GAB2: variants seen among roughly 807,000 people sequenced by gnomAD.
GAB2 encodes the protein GRB2-associated-binding protein 2.
In GAB2, 26 loss-of-function variants were observed where a neutral mutation model predicts 65.5. The observed-to-expected ratio is 0.40, with a 90% CI of 0.29 to 0.55. The LOEUF is 0.55. Among genes scored for constraint, GAB2 ranks in the 20% least tolerant of loss-of-function variants. The pLI is 0.53. For synonymous variants in GAB2, 321 were observed against 329.6 expected, an observed-to-expected ratio of 0.97 and a Z score of 0.28; for missense variants, 884 against 875.8, an observed-to-expected ratio of 1.01 and a Z score of -0.12.
chr11:78,290,850 G>T (rs1866645998), intron 1 of GAB2, among the ~76,000 whole-genome samples: 1 of 152,144 alleles, frequency 6.6e-6, no homozygotes, highest in South Asian at 2.1e-4. Flanking sequence ...GTGGTCCAAA[G>T]CAGGTCTCTT....
intron 2 of GAB2, among the ~76,000 whole-genome samples, chr11:78,266,879 A>T (rs1489454728): frequency 6.6e-6 from 1 of 152,256 alleles, no homozygotes; most frequent in East Asian, 1.9e-4. Context: ...TGGTAAGGGC[A>T]CTGAATACGT....
In GAB2 at chr11:78,280,732, T is replaced by C. The variant is rs779534347; in HGVS notation, c.245A>G (p.Asp82Gly). The C allele has an allele frequency of 5.6e-6, 9 of 1,614,026 alleles. No individual in the cohort carries two copies. The highest frequency in any genetic ancestry group is 7.6e-6 in the Non-Finnish European group (9 of 1,180,016). Reference sequence around the variant, plus strand: ...GGTCTTGATGTCAAACACAAAACTATCCTGCAGCTCCTTCTTGTTAAAGGT... The same window carrying C: ...GGTCTTGATGTCAAACACAAAACTACCCTGCAGCTCCTTCTTGTTAAAGGT... Reference protein sequence around the residue: ...GLTFNKKELQDSFVFDIKTSE... With the variant: ...GLTFNKKELQGSFVFDIKTSE... Residue 82 changes from aspartate to glycine, a missense_variant, in exon 2 of 10, where the codon GAT becomes GGT. Transcript: ENST00000361507.
At chr11:78,327,247 A>G (rs1431274370) in intron 1 of GAB2, among the ~76,000 whole-genome samples, 1 of 152,176 alleles carries the variant, frequency 6.6e-6, no homozygotes, top group East Asian at 1.9e-4. Flanking sequence ...AGAATGATAA[A>G]CAATCATGTT....
At chr11:78,288,564 A>G (rs1866558269) in intron 1 of GAB2, among the ~76,000 whole-genome samples, 1 of 152,228 alleles carries the variant, frequency 6.6e-6, no homozygotes, top group South Asian at 2.1e-4. Context: ...GGCATATAAA[A>G]TAAAAATACA....
chr11:78,229,435 G>A (rs1446034291), intron 3 of GAB2, among the ~76,000 whole-genome samples: 1 of 152,150 alleles, frequency 6.6e-6, no homozygotes, highest in Non-Finnish European at 1.5e-5. Flanking sequence ...GGGGTTGCAA[G>A]AGCATCACAG....
chr11:78,326,855 C>T (rs1855831586), intron 1 of GAB2, among the ~76,000 whole-genome samples: 1 of 152,028 alleles, frequency 6.6e-6, no homozygotes, highest in Non-Finnish European at 1.5e-5. Context: ...ATAAGCTATG[C>T]TTTGGGAAAA....
At chr11:78,372,410 C>T (rs1856583602) in intron 1 of GAB2, among the ~76,000 whole-genome samples, 1 of 152,120 alleles carries the variant, frequency 6.6e-6, no homozygotes, top group African/African-American at 2.4e-5. Flanking sequence ...AGTAAGTGTG[C>T]CAAATACATT....
intron 2 of GAB2, among the ~76,000 whole-genome samples, chr11:78,278,642 G>T (rs1049493546): frequency 6.6e-6 from 1 of 151,914 alleles, no homozygotes; most frequent in Admixed American, 6.6e-5. Context: ...GCCTCCCAAA[G>T]TGCTGGGATT....
chr11:78,388,962 T>C (rs1283746317), intron 1 of GAB2, among the ~76,000 whole-genome samples: 6 of 152,226 alleles, frequency 3.9e-5, no homozygotes, highest in Admixed American at 2.0e-4. Context: ...TCAGAAAAGA[T>C]CTTTCTCCTA....
intron 1 of GAB2, among the ~76,000 whole-genome samples, chr11:78,329,961 T>A (rs1426576227): frequency 2.0e-5 from 3 of 152,346 alleles, no homozygotes; most frequent in African/African-American, 7.2e-5. Context: ...AAGGTGGAAA[T>A]GAGGCTAAGA....
At chr11:78,405,219 C>T (rs1271645088) in intron 1 of GAB2, among the ~76,000 whole-genome samples, 1 of 151,404 alleles carries the variant, frequency 6.6e-6, no homozygotes, top group Non-Finnish European at 1.5e-5. Flanking sequence ...CTGCCTCAGA[C>T]TCCTGAGGAG....
intron 1 of GAB2, among the ~76,000 whole-genome samples, chr11:78,415,627 C>T (rs1857185679): frequency 6.6e-6 from 1 of 152,208 alleles, no homozygotes; most frequent in South Asian, 2.1e-4. Context: ...TTACTTAAAG[C>T]TGTTAAGGTC....
chr11:78,329,014 ATTTAC>A lies in GAB2; in HGVS notation c.76-48118_76-48114del, dbSNP rs540025880. Among the ~76,000 whole-genome samples, 25 of 152,326 alleles carry A rather than the reference ATTTAC, an allele frequency of 1.6e-4. No homozygotes were observed. In the South Asian group the frequency reaches 5.2e-3, roughly 32 times the overall value. ...AGGGAGAAATATGCTAATGTCTGCA[ATTTAC>A]TTTAAATGCTATAAAAAATAAGATG... is the stretch of plus-strand genomic sequence containing the variant. On this transcript the variant is annotated intron_variant, in intron 1 of 9. Coordinates refer to ENST00000361507, the MANE Select transcript of GAB2 (RefSeq NM_080491.3).
intron 1 of GAB2, among the ~76,000 whole-genome samples, chr11:78,322,905 G>A (rs1018289542): frequency 1.8e-4 from 27 of 151,786 alleles, no homozygotes; most frequent in Non-Finnish European, 4.4e-5. Context: ...GTAGAAAGCA[G>A]TTTGGAGATT....
chr11:78,409,200 G>A (rs1025361136), intron 1 of GAB2, among the ~76,000 whole-genome samples: 1 of 152,112 alleles, frequency 6.6e-6, no homozygotes, highest in Admixed American at 6.6e-5. Context: ...AGACCTCAGA[G>A]CAAAAGAAAT....
Position 78,219,097 on chromosome 11 carries a change from A to G in GAB2, c.*175T>C. 4 of 613,472 alleles carry G rather than the reference A, an allele frequency of 6.5e-6. No homozygotes were observed. The highest frequency in any genetic ancestry group is 1.1e-5 in the Non-Finnish European group (4 of 356,242). The allele number at this position is 613,472 out of a possible 1,614,324, so 38.0% of individuals were successfully genotyped here. ...AGTGGGCAGAGGAGGTGCCTTGATC[A>G]GGCCCTCACCTCCCAGGGGAAGGGT... On this transcript the variant is annotated 3_prime_UTR_variant, in exon 10 of 10. Coordinates refer to ENST00000361507, the MANE Select transcript of GAB2 (RefSeq NM_080491.3).
chr11:78,296,171 A>T (rs1359465856), intron 1 of GAB2, among the ~76,000 whole-genome samples: 1 of 152,070 alleles, frequency 6.6e-6, no homozygotes, highest in Non-Finnish European at 1.5e-5. Flanking sequence ...AGTAATGCTC[A>T]CTCACCAGCT....
chr11:78,265,224 A>AT (rs1565132880), intron 2 of GAB2, among the ~76,000 whole-genome samples: 9 of 149,246 alleles, frequency 6.0e-5, no homozygotes, highest in Admixed American at 2.7e-4. Context: ...ATATATATAT[A>AT]AAAGCACTCT....
At chr11:78,316,351 T>C (rs935075455) in intron 1 of GAB2, among the ~76,000 whole-genome samples, 1 of 152,170 alleles carries the variant, frequency 6.6e-6, no homozygotes, top group African/African-American at 2.4e-5. Context: ...CTCCCTTTCA[T>C]ATATACATAT....
Sources: allele counts gnomAD v4.1 joint callset (sites outside exome capture counted in the v4.1 genomes callset), GRCh38; gene constraint gnomAD v4.1.1; transcripts MANE v1.5; gene names NCBI Gene and HGNC (gene_info 2026-07-23, HGNC 2026-07-21).